Variants in TGFA observed in about 807,000 individuals in gnomAD.
TGFA encodes protransforming growth factor alpha.
In TGFA, 12 loss-of-function variants were observed where a neutral mutation model predicts 21.7. The ratio of observed to expected loss-of-function variants is 0.55; its 90% confidence interval spans 0.35 to 0.90. The LOEUF (loss-of-function observed/expected upper bound fraction) is 0.90, where lower values mean the gene tolerates loss of function less well. TGFA is among the 40% of genes least tolerant of loss of function. The pLI is 0.01. For missense variants in TGFA, 178 were observed against 210.8 expected, an observed-to-expected ratio of 0.84 and a Z score of 0.96; for synonymous variants, 79 against 88.1, an observed-to-expected ratio of 0.90 and a Z score of 0.58.
chr2:70,484,625 T>G (rs1671219088), intron 2 of TGFA, among the ~76,000 whole-genome samples: 1 of 152,184 alleles, frequency 6.6e-6, no homozygotes, highest in Non-Finnish European at 1.5e-5. Context: ...CCTCTTTACC[T>G]CAAATATGAA....
At chr2:70,450,903 C>A in intron 5 of TGFA, 37 bp from the exon 6 acceptor site, 1 of 1,600,108 alleles carries the variant, frequency 6.2e-7, no homozygotes, top group Non-Finnish European at 8.5e-7. Context: ...CACTGTGGGC[C>A]ACACCCTGGC....
intron 1 of TGFA, among the ~76,000 whole-genome samples, chr2:70,529,851 G>A (rs563403715): frequency 6.6e-6 from 1 of 152,360 alleles, no homozygotes; most frequent in Admixed American, 6.5e-5. Flanking sequence ...GAAGAATGGG[G>A]TGAGATCACT....
At chr2:70,501,915 G>A (rs964674251) in intron 2 of TGFA, among the ~76,000 whole-genome samples, 2 of 152,214 alleles carry the variant, frequency 1.3e-5, no homozygotes. Context: ...TGTGAAAAGG[G>A]CTTCTGTGGA....
intron 2 of TGFA, among the ~76,000 whole-genome samples, chr2:70,506,340 T>C (rs1553500138): frequency 6.6e-6 from 1 of 152,044 alleles, no homozygotes; most frequent in Non-Finnish European, 1.5e-5. Flanking sequence ...CTGGTGAGAG[T>C]ATCTCAGCCT....
At chr2:70,553,646 C>A (rs948839778) in intron 1 of TGFA, 82 bp downstream of exon 1, 161 of 1,309,078 alleles carry the variant, frequency 1.2e-4, no homozygotes, top group Admixed American at 4.7e-4. Flanking sequence ...GGCGCAGAAA[C>A]CCCCGGAAAG....
intron 1 of TGFA, chr2:70,553,406 T>A: frequency 6.9e-7 from 1 of 1,442,336 alleles, no homozygotes; most frequent in Non-Finnish European, 9.0e-7. Context: ...AGCAGGTAGG[T>A]GTAGGCATGT....
intron 2 of TGFA, among the ~76,000 whole-genome samples, chr2:70,500,997 T>C (rs1443921728): frequency 6.6e-6 from 1 of 151,704 alleles, no homozygotes; most frequent in Non-Finnish European, 1.5e-5. Context: ...TTGCAGAGAC[T>C]GATGTTATGG....
At chr2:70,484,228 A>G (rs1293435687) in intron 2 of TGFA, among the ~76,000 whole-genome samples, 1 of 152,200 alleles carries the variant, frequency 6.6e-6, no homozygotes, top group Non-Finnish European at 1.5e-5. Flanking sequence ...AGTAATACAT[A>G]ACCAACAAGT....
intron 2 of TGFA, among the ~76,000 whole-genome samples, chr2:70,495,886 T>C (rs1671559011): frequency 2.0e-5 from 3 of 152,360 alleles, no homozygotes; most frequent in Non-Finnish European, 2.9e-5. Flanking sequence ...TGATGGTTTA[T>C]AGGAAAACTA....
chr2:70,498,105 G>T (rs1553498587), intron 2 of TGFA, among the ~76,000 whole-genome samples: 5 of 152,018 alleles, frequency 3.3e-5, no homozygotes. Flanking sequence ...CATTTGGTGA[G>T]ATCTCAGAAT....
rs982817648 is a variant in TGFA, at chr2:70,449,290, A to G, written c.*1569T>C. 2.6e-5 allele frequency: 4 copies of G among 152,288 alleles called. No individual in the cohort carries two copies. The highest frequency in any genetic ancestry group is 2.1e-4 in the South Asian group (1 of 4,830). The allele number at this position is 152,288 out of a possible 1,614,324, so 9.4% of individuals were successfully genotyped here. ...TGAAAATTTCAAGCCAATTTAACAT[A>G]TTTTAAATGTACCTTTCACGATGTA... On this transcript the variant is annotated 3_prime_UTR_variant, in exon 6 of 6. Transcript: ENST00000295400.
At position 70,514,904 on chromosome 2, in the gene TGFA, A is replaced by G. The variant is rs781973509; in HGVS notation, c.49T>C (p.Leu17=). Residue 17 remains leucine (L), a synonymous_variant, in exon 2 of 6, where the codon TTG becomes CTG. Transcript: ENST00000295400. The part of the protein sequence containing the change: ...QLALFALGIV[L]AACQALENST... ...TTCTCCAAGGCCTGGCACGCAGCCAACACAATACCTGTTGGGTGGAGGAGA... is the reference window on the plus strand; with the variant it reads ...TTCTCCAAGGCCTGGCACGCAGCCAGCACAATACCTGTTGGGTGGAGGAGA... 2.5e-6 allele frequency: 4 copies of G among 1,613,996 alleles called. No homozygotes were observed. Among genetic ancestry groups the G allele is most frequent in the Admixed American group, 1.7e-5 (1 of 60,004 alleles).
intron 2 of TGFA, among the ~76,000 whole-genome samples, chr2:70,491,464 A>G (rs1553497619): frequency 1.3e-5 from 2 of 152,218 alleles, no homozygotes; most frequent in African/African-American, 4.8e-5. Flanking sequence ...TCCACTCAAG[A>G]TGGCTCCACC....
chr2:70,492,541 G>A (rs570214921), intron 2 of TGFA, among the ~76,000 whole-genome samples: 1 of 152,326 alleles, frequency 6.6e-6, no homozygotes, highest in African/African-American at 2.4e-5. Flanking sequence ...GTCTAAGGAT[G>A]CTCTCTGCTG....
At chr2:70,455,013 C>T (rs145449890) in intron 4 of TGFA, among the ~76,000 whole-genome samples, 2 of 152,192 alleles carry the variant, frequency 1.3e-5, no homozygotes, top group African/African-American at 4.8e-5. Context: ...GGCTGGCAGC[C>T]CACTAGCTTG....
intron 1 of TGFA, among the ~76,000 whole-genome samples, chr2:70,535,293 C>A (rs1268694096): frequency 6.6e-6 from 1 of 152,114 alleles, no homozygotes; most frequent in Non-Finnish European, 1.5e-5. Context: ...ATAAAAAATT[C>A]AGGAGCTGAG....
intron 2 of TGFA, among the ~76,000 whole-genome samples, chr2:70,500,578 T>C (rs112092132): frequency 1.3e-5 from 2 of 152,196 alleles, no homozygotes; most frequent in African/African-American, 2.4e-5. Context: ...AGCCCTGTAG[T>C]ACCAACACTC....
chr2:70,525,712 C>T (rs1382276745), intron 1 of TGFA, among the ~76,000 whole-genome samples: 2 of 152,004 alleles, frequency 1.3e-5, no homozygotes, highest in Admixed American at 1.3e-4. Flanking sequence ...GGGTGGTACT[C>T]AGATTTACTC....
intron 3 of TGFA, 130 bp from the exon 4 acceptor site, chr2:70,456,618 C>CA (rs768852824): frequency 1.5e-5 from 17 of 1,151,446 alleles, no homozygotes; most frequent in Non-Finnish European, 2.1e-5. Context: ...CCAGCTTTTG[C>CA]AATTGGAGGG....
Sources: allele counts gnomAD v4.1 joint callset (sites outside exome capture counted in the v4.1 genomes callset), GRCh38; gene constraint gnomAD v4.1.1; transcripts MANE v1.5; gene names NCBI Gene and HGNC (gene_info 2026-07-23, HGNC 2026-07-21).